SP140L: variants seen among roughly 807,000 people sequenced by gnomAD.
SP140L encodes the protein SP140 like nuclear body protein.
A neutral mutation model predicts 84.3 loss-of-function variants in SP140L; 64 were observed. The observed-to-expected ratio is 0.76, with a 90% confidence interval of 0.62 to 0.94. The LOEUF is 0.94. Ranked by LOEUF, SP140L falls within the 40% of genes least tolerant of loss-of-function variation. The probability of loss-of-function intolerance (pLI) is 0.00; values close to 1 mark genes in which losing one functional copy is unlikely to be tolerated. For synonymous variants in SP140L, 242 were observed against 236.9 expected (o/e 1.02, Z -0.20); for missense variants, 628 against 692.5 (o/e 0.91, Z 1.05).
At chr2:230,394,901 T>C (rs1376179296) in intron 13 of SP140L, among the ~76,000 whole-genome samples, 1 of 152,222 alleles carries the variant, frequency 6.6e-6, no homozygotes, top group Non-Finnish European at 1.5e-5. Context: ...CATAAACCTT[T>C]TGGTGGTAGC....
rs1472475942 is a variant in SP140L, at chr2:230,388,601, A to T, written c.827A>T (p.Asp276Val). 6.2e-7 allele frequency: 1 copy of T among 1,610,000 alleles called. No individual in the cohort carries two copies. The highest frequency in any genetic ancestry group is 8.5e-7 in the Non-Finnish European group (1 of 1,178,852). ...GKPGTHFTQS[D>V]RAPQKRVRSR... ...CCTGGAACCCACTTTACTCAGAGTG[A>T]CAGAGCTCCACAGAAAAGAGTCCGA... The change falls in exon 10 of 19, where the codon GAC (aspartate) becomes GTC (valine). Residue 276 changes from aspartate (D) to valine (V), a missense_variant. By Grantham distance (152) the Asp-to-Val change is radical. Transcript: ENST00000415673.
chr2:230,339,875 T>C (rs1250992666), intron 2 of SP140L, among the ~76,000 whole-genome samples: 37 of 148,820 alleles, frequency 2.5e-4, no homozygotes, highest in African/African-American at 8.8e-4. Context: ...TTGTTATAAT[T>C]TCTGTTCTTT....
chr2:230,381,347 G>T (rs13384237), intron 7 of SP140L, among the ~76,000 whole-genome samples: 34,977 of 152,028 alleles, frequency 0.23, 4,258 homozygotes, highest in Non-Finnish European at 0.28. Context: ...GAGGCTACAT[G>T]ATCTCTAGCT....
chr2:230,365,972 T>C (rs2060857360), intron 5 of SP140L, among the ~76,000 whole-genome samples: 1 of 152,144 alleles, frequency 6.6e-6, no homozygotes, highest in African/African-American at 2.4e-5. Context: ...TTTTATATCA[T>C]TGTGGTCAGA....
intron 7 of SP140L, among the ~76,000 whole-genome samples, chr2:230,380,066 G>A (rs1321585975): frequency 6.6e-6 from 1 of 152,080 alleles, no homozygotes; most frequent in East Asian, 1.9e-4. Context: ...TAATTTGTAA[G>A]GAAAAAGAAT....
chr2:230,352,654 C>T (rs2149717252), intron 2 of SP140L, among the ~76,000 whole-genome samples: 1 of 152,166 alleles, frequency 6.6e-6, no homozygotes, highest in South Asian at 2.1e-4. Context: ...TAGTTTTCTA[C>T]TTCTCATGAA....
At position 230,389,932 on chromosome 2, in the gene SP140L, C is replaced by G. The variant is rs1274906955; in HGVS notation, c.873C>G (p.His291Gln). Residue 291 changes from histidine to glutamine, a missense_variant, in exon 11 of 19, where the codon CAC becomes CAG. Coordinates refer to ENST00000415673, the MANE Select transcript of SP140L (RefSeq NM_138402.6). Reference protein sequence around the residue: ...KRVRSRASRKHKDETVDFQAP... With the variant: ...KRVRSRASRKQKDETVDFQAP... The stretch of plus-strand genomic sequence containing the variant: ...CCTCTCTTTCAGCTTCAAGAAAGCA[C>G]AAAGATGAAACTGTGGATTTTCAGG... The G allele has an allele frequency of 1.2e-6, 2 of 1,613,692 alleles. No individual in the cohort carries two copies. The highest frequency in any genetic ancestry group is 3.3e-5 in the Admixed American group (2 of 59,962).
chr2:230,328,678 A>C, intron 1 of SP140L, 79 bp from the exon 2 acceptor site: 1 of 1,548,350 alleles, frequency 6.5e-7, no homozygotes. Context: ...CTTGTGCCTA[A>C]ACCTTAAAAA....
chr2:230,364,286 C>T (rs1034300631), intron 5 of SP140L, among the ~76,000 whole-genome samples: 8 of 152,054 alleles, frequency 5.3e-5, no homozygotes, highest in African/African-American at 1.7e-4. Flanking sequence ...TTAATCCAAT[C>T]CATGAACATG....
At chr2:230,400,826 T>C in intron 15 of SP140L, 129 bp from the exon 16 acceptor site, 1 of 1,583,582 alleles carries the variant, frequency 6.3e-7, no homozygotes, top group Non-Finnish European at 8.6e-7. Flanking sequence ...TTGGATACTC[T>C]GGGAGGTGTT....
chr2:230,337,404 A>C (rs1246152197), intron 2 of SP140L, among the ~76,000 whole-genome samples: 6 of 152,198 alleles, frequency 3.9e-5, no homozygotes, highest in Admixed American at 2.6e-4. Context: ...ACCCTTTGTC[A>C]GATGAGTAGG....
intron 9 of SP140L, among the ~76,000 whole-genome samples, chr2:230,386,379 A>G (rs1299726432): frequency 1.3e-5 from 2 of 152,212 alleles, no homozygotes; most frequent in African/African-American, 4.8e-5. Context: ...GTTCCCAACC[A>G]TTGGGACTTG....
chr2:230,383,774 G>T (rs1424051428), intron 8 of SP140L, among the ~76,000 whole-genome samples, 199 bp downstream of exon 8: 1 of 152,192 alleles, frequency 6.6e-6, no homozygotes, highest in African/African-American at 2.4e-5. Context: ...GCATGTAATA[G>T]TCCAGAGGCC....
At chr2:230,351,720 T>A (rs570407961) in intron 2 of SP140L, among the ~76,000 whole-genome samples, 1 of 152,250 alleles carries the variant, frequency 6.6e-6, no homozygotes, top group Non-Finnish European at 1.5e-5. Context: ...GACCTCGGCT[T>A]ACTATAACCC....
intron 7 of SP140L, among the ~76,000 whole-genome samples, chr2:230,376,496 A>G (rs547633103): frequency 6.6e-6 from 1 of 152,348 alleles, no homozygotes; most frequent in East Asian, 1.9e-4. Flanking sequence ...AGCAACAAAA[A>G]GAATAAAATG....
rs559621549 is a variant in SP140L, at chr2:230,383,104, A to G, written c.638-406A>G. Among the ~76,000 whole-genome samples the G allele has an allele frequency of 1.6e-3, 245 of 152,218 alleles. 1 individual carries two copies. The highest frequency in any genetic ancestry group is 2.7e-3 in the Non-Finnish European group (184 of 68,040). On this transcript the variant is annotated intron_variant, in intron 7 of 18. Coordinates refer to ENST00000415673, the MANE Select transcript of SP140L (RefSeq NM_138402.6). The stretch of plus-strand genomic sequence containing the variant: ...AACTCTCCATATCAGAGTTCAGAAT[A>G]TCTCCCAATTTCCAGTACAGAATAT...
At chr2:230,354,655 T>A (rs776179146) in intron 2 of SP140L, among the ~76,000 whole-genome samples, 5 of 151,672 alleles carry the variant, frequency 3.3e-5, no homozygotes, top group Non-Finnish European at 7.4e-5. Context: ...ACATCTGTAG[T>A]CCTAGCTATT....
Position 230,392,192 on chromosome 2 carries a change from T to C in SP140L, c.1070T>C (p.Val357Ala), listed in dbSNP as rs1273568366. 1.2e-6 allele frequency: 2 copies of C among 1,613,954 alleles called. No homozygotes were observed. The highest frequency in any genetic ancestry group is 1.7e-6 in the Non-Finnish European group (2 of 1,179,958). ...AGATCAAAGAACTGGAGGCTGAGTGTGCGCTGTGGCGGGTGGCCCCTACGA... is the reference window on the plus strand; with the variant it reads ...AGATCAAAGAACTGGAGGCTGAGTGCGCGCTGTGGCGGGTGGCCCCTACGA... The part of the protein sequence containing the change: ...YARSKNWRLS[V>A]RCGGWPLRRL... Residue 357 changes from valine (V) to alanine (A), a missense_variant, in exon 12 of 19, where the codon GTG becomes GCG. Coordinates refer to ENST00000415673, the MANE Select transcript of SP140L (RefSeq NM_138402.6).
intron 7 of SP140L, among the ~76,000 whole-genome samples, chr2:230,374,086 C>A (rs957609156): frequency 6.6e-6 from 1 of 152,128 alleles, no homozygotes; most frequent in South Asian, 2.1e-4. Flanking sequence ...GAGGCCAAGG[C>A]GGGCAGATCA....
Sources: allele counts gnomAD v4.1 joint callset (sites outside exome capture counted in the v4.1 genomes callset), GRCh38; gene constraint gnomAD v4.1.1; transcripts MANE v1.5; gene names NCBI Gene and HGNC (gene_info 2026-07-23, HGNC 2026-07-21).